DSCAM: variants seen among roughly 807,000 people sequenced by gnomAD.
The protein encoded by DSCAM is cell adhesion molecule DSCAM.
DSCAM carries 47 observed loss-of-function variants against 217.7 expected under a neutral mutation model. The observed-to-expected ratio is 0.22, with a 90% CI of 0.17 to 0.28. The LOEUF (loss-of-function observed/expected upper bound fraction) is 0.28. Among genes scored for constraint, DSCAM ranks in the 10% least tolerant of loss-of-function variants. The pLI is 1.00. For missense variants in DSCAM, 2,080 were observed against 2,618.3 expected, an observed-to-expected ratio of 0.79 and a Z score of 4.49; for synonymous variants, 1,056 against 1,015.3, an observed-to-expected ratio of 1.04 and a Z score of -0.76.
intron 32 of DSCAM, among the ~76,000 whole-genome samples, chr21:40,037,889 C>A (rs1263053379): frequency 6.8e-6 from 1 of 147,562 alleles, no homozygotes; most frequent in African/African-American, 2.5e-5. Context: ...TGATCTTTGA[C>A]CAACCTGAGA....
rs3988411 is a variant in DSCAM, at chr21:40,823,203, TTGTGTG to T, written c.43+23410_43+23415del. Among the ~76,000 whole-genome samples, 607 of 144,420 alleles carry T rather than the reference TTGTGTG, an allele frequency of 4.2e-3. 8 individuals carry two copies. Among genetic ancestry groups the T allele is most frequent in the African/African-American group, 0.014 (526 of 38,534 alleles). 94.7% of individuals were successfully genotyped at this position (144,420 alleles called of 152,430 possible). A position where few individuals can be genotyped will look rare whatever the true frequency, so the allele number is the denominator to read the frequency against. ...AATGCTTAATCTTAGCATACATACA[TTGTGTG>T]TGTGTGTGTGTGTGTGTGTCAATAA... is the stretch of plus-strand genomic sequence containing the variant. On this transcript the variant is annotated intron_variant, in intron 1 of 32. Transcript: ENST00000400454.
At chr21:40,481,266 G>T (rs1483287588) in intron 3 of DSCAM, among the ~76,000 whole-genome samples, 3 of 152,156 alleles carry the variant, frequency 2.0e-5, no homozygotes, top group Non-Finnish European at 4.4e-5. Flanking sequence ...GAAGCAGACA[G>T]ATCACAAGGT....
chr21:40,582,574 T>A (rs926390802), intron 3 of DSCAM, among the ~76,000 whole-genome samples: 4 of 152,278 alleles, frequency 2.6e-5, no homozygotes, highest in African/African-American at 9.6e-5. Context: ...ACATTAAGCA[T>A]ACAAGGAGAG....
intron 3 of DSCAM, among the ~76,000 whole-genome samples, chr21:40,505,220 C>T (rs1310694590): frequency 6.6e-6 from 1 of 152,186 alleles, no homozygotes; most frequent in East Asian, 1.9e-4. Context: ...AGACTCAAAC[C>T]GTGACAGGCA....
chr21:40,190,951 A>G (rs1435268130), intron 11 of DSCAM, among the ~76,000 whole-genome samples: 1 of 152,274 alleles, frequency 6.6e-6, no homozygotes, highest in Non-Finnish European at 1.5e-5. Flanking sequence ...AAAAAGGACT[A>G]GAAAGGTTTG....
In DSCAM at chr21:40,013,127, T is replaced by C. The variant is rs1212543163; in HGVS notation, c.5946A>G (p.Ala1982=). ...ATTCTTGGGAGCTGCTCATTTTAGC[T>C]GCCTGTCCCAGCTCTGCTCCCTCCC... The part of the protein sequence containing the change: ...PQREGAELGQ[A]AKMSSSQESL... The change falls in exon 33 of 33, where the codon GCA becomes GCG. Residue 1982 remains alanine, a synonymous_variant. Transcript: ENST00000400454. 1.2e-6 allele frequency: 2 copies of C among 1,610,750 alleles called. No individual in the cohort carries two copies. Among genetic ancestry groups the C allele is most frequent in the East Asian group, 2.2e-5 (1 of 44,774 alleles).
intron 10 of DSCAM, among the ~76,000 whole-genome samples, chr21:40,293,488 C>T (rs2073918820): frequency 6.6e-6 from 1 of 152,154 alleles, no homozygotes; most frequent in African/African-American, 2.4e-5. Context: ...ATCCAGAGTC[C>T]TCTTATGAGA....
At chr21:40,713,667 G>A (rs906988294) in intron 1 of DSCAM, among the ~76,000 whole-genome samples, 3 of 152,188 alleles carry the variant, frequency 2.0e-5, no homozygotes, top group Non-Finnish European at 4.4e-5. Context: ...AGAAAGTTAT[G>A]AGGATGGCAT....
intron 20 of DSCAM, among the ~76,000 whole-genome samples, chr21:40,115,497 T>C (rs903930170): frequency 6.6e-6 from 1 of 152,130 alleles, no homozygotes; most frequent in African/African-American, 2.4e-5. Context: ...CACACCAACA[T>C]GGCACATGTA....
chr21:40,103,128 C>T (rs2089775745), intron 20 of DSCAM, among the ~76,000 whole-genome samples: 1 of 152,124 alleles, frequency 6.6e-6, no homozygotes, highest in Admixed American at 6.5e-5. Flanking sequence ...GACTACAAAG[C>T]CATAGGCTGT....
chr21:40,817,835 G>A (rs1038895720), intron 1 of DSCAM, among the ~76,000 whole-genome samples: 1 of 151,802 alleles, frequency 6.6e-6, no homozygotes, highest in Non-Finnish European at 1.5e-5. Context: ...GGTGGCTCAC[G>A]CCTGTAATCC....
intron 1 of DSCAM, among the ~76,000 whole-genome samples, chr21:40,821,835 G>A (rs1198332441): frequency 6.6e-6 from 1 of 152,072 alleles, no homozygotes; most frequent in East Asian, 1.9e-4. Flanking sequence ...CACATAGAGA[G>A]GAACAACACA....
In DSCAM at chr21:40,382,320, A is replaced by G. The variant is rs187257408; in HGVS notation, c.509-13075T>C. On this transcript the variant is annotated intron_variant, in intron 3 of 32. Transcript: ENST00000400454. ...TCTCCTTTGCCTCATCCTGACATTCAGGCCAATTCTATGTCCTATCAGTTC... is the reference window on the plus strand; with the variant it reads ...TCTCCTTTGCCTCATCCTGACATTCGGGCCAATTCTATGTCCTATCAGTTC... 3.9e-3 allele frequency among the ~76,000 whole-genome samples: 598 copies of G among 152,140 alleles called. 12 individuals are homozygous for G. Among genetic ancestry groups the G allele is most frequent in the Non-Finnish European group, 5.9e-4 (40 of 68,012 alleles).
At position 40,416,149 on chromosome 21, in the gene DSCAM, C is replaced by T. The variant is rs977410421; in HGVS notation, c.509-46904G>A. Among the ~76,000 whole-genome samples the T allele has an allele frequency of 4.6e-5, 7 of 152,168 alleles. 1 individual carries two copies. The highest frequency in any genetic ancestry group is 4.6e-4 in the Admixed American group (7 of 15,266). Reference sequence around the variant, plus strand: ...GGATCCCCTTTTTCTGGATTGGACACATTTGATTTAACGCTCTGCTTCATA... The same window carrying T: ...GGATCCCCTTTTTCTGGATTGGACATATTTGATTTAACGCTCTGCTTCATA... On this transcript the variant is annotated intron_variant, in intron 3 of 32. Coordinates refer to ENST00000400454, the MANE Select transcript of DSCAM (RefSeq NM_001389.5).
intron 3 of DSCAM, among the ~76,000 whole-genome samples, chr21:40,493,310 C>G (rs1169851205): frequency 1.3e-5 from 2 of 151,936 alleles, no homozygotes; most frequent in Non-Finnish European, 1.5e-5. Flanking sequence ...ACCAGCAGAC[C>G]CCTTTTACAA....
At chr21:40,119,518 C>T (rs2090008774) in intron 20 of DSCAM, among the ~76,000 whole-genome samples, 1 of 151,960 alleles carries the variant, frequency 6.6e-6, no homozygotes, top group African/African-American at 2.4e-5. Flanking sequence ...AATGCGAACT[C>T]TTTAATTTCA....
chr21:40,086,533 T>A (rs565037750), intron 22 of DSCAM, among the ~76,000 whole-genome samples: 59 of 152,330 alleles, frequency 3.9e-4, no homozygotes, highest in Admixed American at 8.5e-4. Flanking sequence ...CTGAATCCAT[T>A]AGATCACATT....
intron 18 of DSCAM, among the ~76,000 whole-genome samples, chr21:40,134,223 C>T (rs1369749782): frequency 6.6e-6 from 1 of 152,114 alleles, no homozygotes; most frequent in African/African-American, 2.4e-5. Context: ...CAAACTGCTC[C>T]AGAACACAAG....
chr21:40,375,344 T>C (rs1163916844), intron 3 of DSCAM, among the ~76,000 whole-genome samples: 1 of 152,250 alleles, frequency 6.6e-6, no homozygotes, highest in Admixed American at 6.5e-5. Context: ...CCACTAGACC[T>C]AACCACTTAT....
Sources: allele counts gnomAD v4.1 joint callset (sites outside exome capture counted in the v4.1 genomes callset), GRCh38; gene constraint gnomAD v4.1.1; transcripts MANE v1.5; gene names NCBI Gene and HGNC (gene_info 2026-07-23, HGNC 2026-07-21).